Variants in ZFAND5 observed in about 807,000 individuals in gnomAD.
ZFAND5 encodes the protein AN1-type zinc finger protein 5.
Under a neutral mutation model 23.6 loss-of-function variants are expected in ZFAND5, and 4 were observed. The observed-to-expected ratio is 0.17, with a 90% CI of 0.08 to 0.39. The LOEUF (loss-of-function observed/expected upper bound fraction) is 0.39, where lower values mean the gene tolerates loss of function less well. Among genes scored for constraint, ZFAND5 ranks in the 10% least tolerant of loss-of-function variants. The probability of loss-of-function intolerance (pLI) is 1.00; values close to 1 mark genes in which losing one functional copy is unlikely to be tolerated. For synonymous variants in ZFAND5, 68 were observed against 80.6 expected (o/e 0.84, Z 0.84); for missense variants, 161 against 253.7 (o/e 0.63, Z 2.48).
At position 72,364,757 on chromosome 9, in the gene ZFAND5, C is replaced by T; in HGVS notation, c.-208G>A. 2 of 485,464 alleles carry T rather than the reference C, an allele frequency of 4.1e-6. No homozygotes were observed. Among genetic ancestry groups the T allele is most frequent in the Non-Finnish European group, 2.8e-6 (1 of 354,270 alleles). The allele number at this position is 485,464 out of a possible 1,614,324, so 30.1% of individuals were successfully genotyped here. On this transcript the variant is annotated 5_prime_UTR_variant, in exon 1 of 7. Transcript: ENST00000376962. ...GCGAAGCCGGCACGATGAGGCCGGG[C>T]CGAGGCCTCCGGGAAGGCTGAGCCG...
At position 72,361,994 on chromosome 9, in the gene ZFAND5, G is replaced by A. The variant is rs11143276; in HGVS notation, c.-9-1207C>T. ...TAACAAGTATTAACTACCAAAATTA[G>A]AAGATGGGAGAAGGGGACTAACCAA... On this transcript the variant is annotated intron_variant, in intron 2 of 6. Transcript: ENST00000376962. 3.6e-3 allele frequency among the ~76,000 whole-genome samples: 543 copies of A among 152,238 alleles called. 4 individuals carry two copies. Among genetic ancestry groups the A allele is most frequent in the African/African-American group, 0.013 (526 of 41,538 alleles).
Position 72,360,287 on chromosome 9 carries a change from T to C in ZFAND5, c.152-66A>G, listed in dbSNP as rs1344124825. Reference sequence around the variant, plus strand: ...CAAAAACTCACTTAGTATCAAGACGTAGTAATAAATACTTGCATTTAATTA... The same window carrying C: ...CAAAAACTCACTTAGTATCAAGACGCAGTAATAAATACTTGCATTTAATTA... On this transcript the variant is annotated intron_variant, in intron 3 of 6. Transcript: ENST00000376962. 7.7e-6 allele frequency: 10 copies of C among 1,306,950 alleles called. No homozygotes were observed. In the East Asian group the frequency reaches 1.2e-4, roughly 15 times the overall value. 81.0% of individuals were successfully genotyped at this position (1,306,950 alleles called of 1,614,324 possible).
intron 2 of ZFAND5, among the ~76,000 whole-genome samples, chr9:72,362,578 G>T (rs1255002612): frequency 6.6e-6 from 1 of 152,182 alleles, no homozygotes; most frequent in Non-Finnish European, 1.5e-5. Flanking sequence ...TCCATCTAAA[G>T]ATTTCACACA....
intron 6 of ZFAND5, among the ~76,000 whole-genome samples, chr9:72,356,445 C>T (rs1232104548): frequency 6.6e-6 from 1 of 152,188 alleles, no homozygotes; most frequent in Non-Finnish European, 1.5e-5. Flanking sequence ...GATGCTCTCC[C>T]TCTATCGACT....
rs907299477 is a variant in ZFAND5 at position 72,353,849 on chromosome 9, T to C, written c.*2104A>G. 6.6e-6 allele frequency: 1 copy of C among 152,202 alleles called. No homozygotes were observed. Among genetic ancestry groups the C allele is most frequent in the Non-Finnish European group, 1.5e-5 (1 of 68,042 alleles). 9.4% of individuals were successfully genotyped at this position (152,202 alleles called of 1,614,324 possible). On this transcript the variant is annotated 3_prime_UTR_variant, in exon 7 of 7. Transcript: ENST00000376962. ...AGAGAAATACTACCCTATGTCAGTA[T>C]AGGAACTTTGACATACATATGTACC...
intron 5 of ZFAND5, 82 bp downstream of exon 5, chr9:72,359,336 A>G: frequency 1.5e-6 from 2 of 1,378,194 alleles, no homozygotes; most frequent in Non-Finnish European, 2.0e-6. Context: ...TGGTCCTTCA[A>G]TGGGAAGGAA....
rs1841809259 is a variant in ZFAND5 at position 72,352,747 on chromosome 9, T to TCAGCG, written c.*3205_*3206insCGCTG. The TCAGCG allele has an allele frequency of 6.6e-6, 1 of 152,224 alleles. No homozygotes were observed. The highest frequency in any genetic ancestry group is 2.4e-5 in the African/African-American group (1 of 41,462). 9.4% of individuals were successfully genotyped at this position (152,224 alleles called of 1,614,324 possible). A position where few individuals can be genotyped will look rare whatever the true frequency, so the allele number is the denominator to read the frequency against. On this transcript the variant is annotated 3_prime_UTR_variant, in exon 7 of 7. Transcript: ENST00000376962. The stretch of plus-strand genomic sequence containing the variant: ...TGTTCTCAAAGTTTTCTTCCCAAGT[T>TCAGCG]ATGGAAACCATTATTCCAGAACATT...
intron 4 of ZFAND5, among the ~76,000 whole-genome samples, chr9:72,359,893 A>T (rs1184048231): frequency 6.6e-6 from 1 of 152,220 alleles, no homozygotes; most frequent in Non-Finnish European, 1.5e-5. Context: ...AGAAATAAAA[A>T]AGCACAGCAT....
rs915539581 is a variant in ZFAND5, at chr9:72,351,783, T to G, written c.*4170A>C. On this transcript the variant is annotated 3_prime_UTR_variant, in exon 7 of 7. Transcript: ENST00000376962. ...TGACATGGTGCATGTTCACTTGTTT[T>G]TAAAGCAGATTGTACAAACAGGAGA... The G allele has an allele frequency of 1.3e-5, 2 of 152,144 alleles. No homozygotes were observed. Among genetic ancestry groups the G allele is most frequent in the Non-Finnish European group, 2.9e-5 (2 of 68,024 alleles). The allele number at this position is 152,144 out of a possible 1,614,324, so 9.4% of individuals were successfully genotyped here.
At chr9:72,364,278 C>T (rs1842194483) in intron 1 of ZFAND5, 3 of 588,762 alleles carry the variant, frequency 5.1e-6, no homozygotes, top group Non-Finnish European at 4.7e-6. Flanking sequence ...GACCCCCGAC[C>T]CCCGACCCCG....
intron 3 of ZFAND5, 160 bp downstream of exon 3, chr9:72,360,468 T>C (rs1842067188): frequency 3.0e-6 from 3 of 1,008,094 alleles, no homozygotes; most frequent in African/African-American, 1.6e-5. Context: ...TAGTCATTCA[T>C]TCCTGATCAG....
rs1051761957 is a variant in ZFAND5, at chr9:72,354,545, G to C, written c.*1408C>G. 6.6e-6 allele frequency: 1 copy of C among 152,534 alleles called. No homozygotes were observed. Among genetic ancestry groups the C allele is most frequent in the South Asian group, 2.1e-4 (1 of 4,830 alleles). 9.4% of individuals were successfully genotyped at this position (152,534 alleles called of 1,614,324 possible). A position where few individuals can be genotyped will look rare whatever the true frequency, so the allele number is the denominator to read the frequency against. On this transcript the variant is annotated 3_prime_UTR_variant, in exon 7 of 7. Transcript: ENST00000376962. ...ATGATTATGTGCAATACATAAATAT[G>C]AACTATCTGTACACATCTGCAGGTC...
chr9:72,358,807 G>A (rs1013881447), intron 5 of ZFAND5, among the ~76,000 whole-genome samples: 1 of 152,014 alleles, frequency 6.6e-6, no homozygotes, highest in South Asian at 2.1e-4. Flanking sequence ...AATAAGCTAC[G>A]TGCACTATAT....
chr9:72,356,418 C>T (rs1477064299), intron 6 of ZFAND5, among the ~76,000 whole-genome samples: 1 of 152,182 alleles, frequency 6.6e-6, no homozygotes, highest in Non-Finnish European at 1.5e-5. Context: ...GGGCTATCTG[C>T]CAGCTAATTT....
intron 5 of ZFAND5, among the ~76,000 whole-genome samples, chr9:72,358,978 C>A (rs961375718): frequency 2.2e-3 from 13 of 6,040 alleles, no homozygotes; most frequent in Admixed American, 4.2e-3. Flanking sequence ...TTTCAAACTC[C>A]CACAAAATAT....
rs369882142 is a variant in ZFAND5 at position 72,360,749 on chromosome 9, C to A, written c.30G>T (p.Gly10=). Residue 10 remains glycine, a synonymous_variant, in exon 3 of 7, where the codon GGG becomes GGT. Transcript: ENST00000376962. Reference sequence around the variant, plus strand: ...CACATCCTGTGCTACACAGCATGGGCCCCGGGGTCTGGTTAGTCTCCTGAG... The same window carrying A: ...CACATCCTGTGCTACACAGCATGGGACCCGGGGTCTGGTTAGTCTCCTGAG... MAQETNQTP[G]PMLCSTGCGF... The A allele has an allele frequency of 2.6e-5, 42 of 1,610,814 alleles. No homozygotes were observed. In the African/African-American group the frequency reaches 5.6e-4, roughly 22 times the overall value.
chr9:72,358,518 C>A (rs969871538), intron 5 of ZFAND5, among the ~76,000 whole-genome samples: 4 of 152,032 alleles, frequency 2.6e-5, no homozygotes, highest in Non-Finnish European at 5.9e-5. Context: ...TATTTAAAAA[C>A]CAAAACCAAA....
intron 2 of ZFAND5, 143 bp from the exon 3 acceptor site, chr9:72,360,930 A>G: frequency 1.4e-6 from 1 of 723,616 alleles, no homozygotes; most frequent in Non-Finnish European, 2.0e-6. Context: ...GGGCAGAGAT[A>G]ATTATCAATA....
In ZFAND5 at chr9:72,355,925, A is replaced by C. The variant is rs765184559; in HGVS notation, c.*28T>G. The C allele has an allele frequency of 1.3e-6, 2 of 1,571,400 alleles. No homozygotes were observed. Among genetic ancestry groups the C allele is most frequent in the Non-Finnish European group, 1.7e-6 (2 of 1,161,658 alleles). ...CCTACGATATATTAAAATAAAAACA[A>C]AGTTTCAGTCTCTTCACAAGAAGTA... On this transcript the variant is annotated 3_prime_UTR_variant, in exon 7 of 7. Transcript: ENST00000376962.
Sources: allele counts gnomAD v4.1 joint callset (sites outside exome capture counted in the v4.1 genomes callset), GRCh38; gene constraint gnomAD v4.1.1; transcripts MANE v1.5; gene names NCBI Gene and HGNC (gene_info 2026-07-23, HGNC 2026-07-21).